Variants in NUP58 observed in about 807,000 individuals in gnomAD.
The protein encoded by NUP58 is nucleoporin 58.
Under a neutral mutation model 70.1 loss-of-function variants are expected in NUP58, and 17 were observed. The observed-to-expected ratio is 0.24, with a 90% CI of 0.17 to 0.36. The LOEUF (loss-of-function observed/expected upper bound fraction) is 0.36. Ranked by LOEUF, NUP58 falls within the 10% of genes least tolerant of loss-of-function variation. NUP58 has a pLI of 1.00. For missense variants in NUP58, 644 were observed against 701.5 expected (o/e 0.92, Z 0.93); for synonymous variants, 275 against 257.6 (o/e 1.07, Z -0.65).
At position 25,301,847 on chromosome 13, in the gene NUP58, G is replaced by A. The variant is rs778896918; in HGVS notation, c.74G>A (p.Gly25Asp). 1.9e-6 allele frequency: 3 copies of A among 1,613,478 alleles called. No homozygotes were observed. The highest frequency in any genetic ancestry group is 1.7e-4 in the Middle Eastern group (1 of 6,056). The stretch of plus-strand genomic sequence containing the variant: ...GTGGCCGCCGGCGGGACCAGCACAG[G>A]CGGCGTTTTCTCCTTCGGAACGGGA... ...TTVAAGGTSTGGVFSFGTGAS... is the reference protein window; with the variant it reads ...TTVAAGGTSTDGVFSFGTGAS... The change falls in exon 1 of 16, where the codon GGC becomes GAC. Residue 25 changes from glycine (G) to aspartate (D), a missense_variant. By Grantham distance (94) the Gly-to-Asp change is moderately conservative. Transcript: ENST00000381736.
chr13:25,305,621 C>T (rs1308248812), intron 1 of NUP58, among the ~76,000 whole-genome samples: 2 of 152,112 alleles, frequency 1.3e-5, no homozygotes, highest in Non-Finnish European at 2.9e-5. Flanking sequence ...CAAGTTCTAC[C>T]CTTAATAAGC....
At chr13:25,311,125 G>A (rs571886432) in intron 3 of NUP58, among the ~76,000 whole-genome samples, 2 of 152,170 alleles carry the variant, frequency 1.3e-5, no homozygotes, top group Non-Finnish European at 2.9e-5. Flanking sequence ...AGAGAGGAGT[G>A]GCAAGTGCAA....
In NUP58 at chr13:25,301,859, C is replaced by G. The variant is rs773006565; in HGVS notation, c.86C>G (p.Ser29Cys). The change falls in exon 1 of 16, where the codon TCC (serine) becomes TGC (cysteine). Residue 29 changes from serine (S) to cysteine (C), a missense_variant. Transcript: ENST00000381736. ...GGGACCAGCACAGGCGGCGTTTTCT[C>G]CTTCGGAACGGGAGCGTCTAGGTAA... ...AGGTSTGGVF[S>C]FGTGASSNPS... 6.2e-7 allele frequency: 1 copy of G among 1,613,172 alleles called. No homozygotes were observed. The highest frequency in any genetic ancestry group is 8.5e-7 in the Non-Finnish European group (1 of 1,179,656).
At chr13:25,324,714 TA>T (rs2031323742) in intron 9 of NUP58, among the ~76,000 whole-genome samples, 1 of 152,226 alleles carries the variant, frequency 6.6e-6, no homozygotes, top group South Asian at 2.1e-4. Context: ...CTTTACGCTG[TA>T]AATGAATTCA....
downstream of NUP58, among the ~76,000 whole-genome samples, chr13:25,343,238 A>G (rs185406746): frequency 3.0e-4 from 45 of 151,878 alleles, no homozygotes; most frequent in African/African-American, 9.4e-4. Flanking sequence ...GTATCCTCAT[A>G]GCTTAGCTCC....
chr13:25,320,461 C>T (rs1252455550), intron 7 of NUP58, 69 bp from the exon 8 acceptor site: 6 of 1,043,008 alleles, frequency 5.8e-6, no homozygotes, highest in Admixed American at 1.8e-5. Flanking sequence ...CTCTAATACT[C>T]TATTAAAACT....
At chr13:25,342,745 TAAAAG>T (rs2031990282), downstream of NUP58, among the ~76,000 whole-genome samples, 1 of 152,180 alleles carries the variant, frequency 6.6e-6, no homozygotes, top group Non-Finnish European at 1.5e-5. Flanking sequence ...AAATATGTCT[TAAAAG>T]AATATATAAA....
intron 3 of NUP58, among the ~76,000 whole-genome samples, chr13:25,348,139 A>G (rs1449524121): frequency 1.3e-5 from 2 of 152,130 alleles, no homozygotes; most frequent in African/African-American, 4.8e-5. Flanking sequence ...ATTTTTATCT[A>G]TTTAAATTTA....
intron 13 of NUP58, chr13:25,334,926 C>T: frequency 1.0e-6 from 1 of 984,896 alleles, no homozygotes; most frequent in Non-Finnish European, 1.2e-6. Flanking sequence ...AAGAACCTCT[C>T]ATTGGATGAC....
rs775784721 is a variant in NUP58 at position 25,340,029 on chromosome 13, T to A, written c.1695T>A (p.Gly565=). Residue 565 remains glycine, a synonymous_variant, in exon 16 of 16, where the codon GGT becomes GGA. Coordinates refer to ENST00000381736, the MANE Select transcript of NUP58 (RefSeq NM_014089.4). Reference sequence around the variant, plus strand: ...ATCCTGGCATCACGGCATCAGCTGGTTTGACTTTTGGGGTGTCCAATCCTG... The same window carrying A: ...ATCCTGGCATCACGGCATCAGCTGGATTGACTTTTGGGGTGTCCAATCCTG... The part of the protein sequence containing the change: ...FSNPGITASA[G]LTFGVSNPAS... 1 of 1,613,576 alleles carries A rather than the reference T, an allele frequency of 6.2e-7. No individual in the cohort carries two copies. The highest frequency in any genetic ancestry group is 8.5e-7 in the Non-Finnish European group (1 of 1,179,858).
intron 12 of NUP58, among the ~76,000 whole-genome samples, chr13:25,328,443 T>C (rs1043784311): frequency 2.7e-5 from 4 of 146,540 alleles, no homozygotes; most frequent in Non-Finnish European, 4.5e-5. Flanking sequence ...TCGCCCAGGC[T>C]GGAGTTCAGT....
intron 9 of NUP58, among the ~76,000 whole-genome samples, chr13:25,323,100 A>G (rs2137782277): frequency 6.6e-6 from 1 of 152,292 alleles, no homozygotes; most frequent in East Asian, 1.9e-4. Flanking sequence ...TCTTTTAGAG[A>G]TAAAAAGACA....
Position 25,303,297 on chromosome 13 carries a change from G to C in NUP58, c.107+1417G>C, listed in dbSNP as rs182233387. ...GAACCTCTGGGGACTCATCTTGAGC[G>C]GGACTCATCTTGAGCCCATCTTTTT... On this transcript the variant is annotated intron_variant, in intron 1 of 15. Transcript: ENST00000381736. 7.4e-4 allele frequency: 265 copies of C among 359,140 alleles called. 1 individual carries two copies. Among genetic ancestry groups the C allele is most frequent in the African/African-American group, 5.5e-3 (256 of 46,812 alleles). 22.2% of individuals were successfully genotyped at this position (359,140 alleles called of 1,614,324 possible).
At chr13:25,331,806 G>C in intron 13 of NUP58, 1 of 1,311,726 alleles carries the variant, frequency 7.6e-7, no homozygotes, top group Non-Finnish European at 9.7e-7. Flanking sequence ...TTGCTGTAAT[G>C]CTATAAATGC....
At chr13:25,332,838 A>T in intron 13 of NUP58, 2 of 985,410 alleles carry the variant, frequency 2.0e-6, no homozygotes, top group Non-Finnish European at 2.4e-6. Flanking sequence ...TCCTTTGAGG[A>T]TTGATATTTC....
At chr13:25,315,158 A>C (rs1466957055) in intron 5 of NUP58, among the ~76,000 whole-genome samples, 199 bp from the exon 6 acceptor site, 2 of 152,224 alleles carry the variant, frequency 1.3e-5, no homozygotes, top group South Asian at 2.1e-4. Flanking sequence ...CGCATCATCC[A>C]AACTGCATAT....
intron 10 of NUP58, among the ~76,000 whole-genome samples, chr13:25,325,636 C>A (rs2031365930): frequency 6.6e-6 from 1 of 152,178 alleles, no homozygotes; most frequent in Admixed American, 6.5e-5. Flanking sequence ...CACAAGATCT[C>A]TGTAGCTGTT....
chr13:25,302,527 A>G (rs1191341595), intron 1 of NUP58, among the ~76,000 whole-genome samples: 1 of 152,246 alleles, frequency 6.6e-6, no homozygotes, highest in Non-Finnish European at 1.5e-5. Flanking sequence ...TACAAAACGT[A>G]GGTAGCATGT....
chr13:25,313,113 C>G, intron 4 of NUP58, 81 bp downstream of exon 4: 3 of 1,447,224 alleles, frequency 2.1e-6, no homozygotes, highest in Non-Finnish European at 2.8e-6. Context: ...AGTCACCTTA[C>G]TACAGAAATT....
Sources: gnomAD v4.1 joint callset for allele counts (sites outside exome capture counted in the v4.1 genomes callset) on GRCh38, gnomAD v4.1.1 for gene constraint, MANE v1.5 for transcripts, NCBI Gene and HGNC (gene_info 2026-07-23, HGNC 2026-07-21) for gene names.